FHIT: variants seen among roughly 807,000 people sequenced by gnomAD.
FHIT encodes the protein fragile histidine triad diadenosine triphosphatase.
In FHIT, 19 loss-of-function variants were observed where a neutral mutation model predicts 17.9. The observed-to-expected ratio is 1.06, with a 90% CI of 0.74 to 1.56. The LOEUF (loss-of-function observed/expected upper bound fraction) is 1.56. Ranked by LOEUF, FHIT falls within the 40% of genes most tolerant of loss-of-function variation. The pLI, the probability that FHIT is intolerant of heterozygous loss-of-function variation, is 0.00. For synonymous variants in FHIT, 81 were observed against 69.7 expected, an observed-to-expected ratio of 1.16 and a Z score of -0.81; for missense variants, 248 against 189.2, an observed-to-expected ratio of 1.31 and a Z score of -1.82.
chr3:59,956,170 A>G (rs1707384517), intron 7 of FHIT, among the ~76,000 whole-genome samples: 1 of 152,116 alleles, frequency 6.6e-6, no homozygotes, highest in Non-Finnish European at 1.5e-5. Context: ...GTCTTTAGTC[A>G]GCAAACTCTT....
chr3:60,269,138 T>A (rs2107623514), intron 5 of FHIT, among the ~76,000 whole-genome samples: 1 of 152,302 alleles, frequency 6.6e-6, no homozygotes, highest in Non-Finnish European at 1.5e-5. Flanking sequence ...TGTTACTAAG[T>A]TTTCAGTAAT....
intron 5 of FHIT, among the ~76,000 whole-genome samples, chr3:60,078,255 A>C (rs1192291395): frequency 6.6e-6 from 1 of 152,136 alleles, no homozygotes; most frequent in Non-Finnish European, 1.5e-5. Flanking sequence ...AACCTGGTAG[A>C]CACCACACCA....
At chr3:61,075,317 A>G (rs2034939723) in intron 2 of FHIT, among the ~76,000 whole-genome samples, 1 of 152,112 alleles carries the variant, frequency 6.6e-6, no homozygotes, top group Admixed American at 6.6e-5. Flanking sequence ...GGAGTACTAT[A>G]AGGGATGTTT....
At chr3:60,005,064 A>C (rs975255692) in intron 7 of FHIT, among the ~76,000 whole-genome samples, 1 of 152,144 alleles carries the variant, frequency 6.6e-6, no homozygotes, top group African/African-American at 2.4e-5. Context: ...GTTTGAAACC[A>C]AGTAGTCTGG....
chr3:59,766,446 G>A (rs1559586372), intron 8 of FHIT, among the ~76,000 whole-genome samples: 6 of 152,122 alleles, frequency 3.9e-5, no homozygotes, highest in Admixed American at 2.6e-4. Flanking sequence ...ACTGAATCCC[G>A]ACTAGGATCT....
At chr3:59,970,908 C>A (rs1210320550) in intron 7 of FHIT, among the ~76,000 whole-genome samples, 3 of 106,032 alleles carry the variant, frequency 2.8e-5, no homozygotes, top group African/African-American at 3.2e-5. Flanking sequence ...GTTGACGGAA[C>A]AAGCAGGGAT....
intron 5 of FHIT, among the ~76,000 whole-genome samples, chr3:60,453,876 A>C (rs1205789030): frequency 6.6e-6 from 1 of 152,194 alleles, no homozygotes; most frequent in African/African-American, 2.4e-5. Context: ...AAAAGCAATA[A>C]ATCTTCCTGG....
At chr3:60,299,700 A>G (rs993459329) in intron 5 of FHIT, among the ~76,000 whole-genome samples, 3 of 151,944 alleles carry the variant, frequency 2.0e-5, no homozygotes, top group Non-Finnish European at 4.4e-5. Flanking sequence ...ACTCGTTACC[A>G]CCCACTGGAT....
chr3:59,963,153 G>A (rs938313588), intron 7 of FHIT, among the ~76,000 whole-genome samples: 2 of 152,030 alleles, frequency 1.3e-5, no homozygotes, highest in Admixed American at 6.6e-5. Flanking sequence ...GTAGTCCCCA[G>A]CTACTTGGGA....
At chr3:59,808,065 C>T (rs535616322) in intron 8 of FHIT, among the ~76,000 whole-genome samples, 1 of 151,916 alleles carries the variant, frequency 6.6e-6, no homozygotes, top group East Asian at 1.9e-4. Context: ...AACCCTGCAC[C>T]CATTAAGTGG....
intron 4 of FHIT, among the ~76,000 whole-genome samples, chr3:60,744,246 T>TAAAAAAAAAA (rs368982395): frequency 6.8e-4 from 21 of 30,756 alleles, no homozygotes; most frequent in East Asian, 1.4e-3. Context: ...GGAAGTAATG[T>TAAAAAAAAAA]AAAAAAAAAA....
intron 3 of FHIT, among the ~76,000 whole-genome samples, chr3:60,861,858 G>A (rs142007784): frequency 5.3e-4 from 80 of 150,822 alleles, no homozygotes; most frequent in African/African-American, 1.9e-3. Flanking sequence ...GCTGAGGCAG[G>A]AGAATGGCGT....
At chr3:60,400,323 G>A (rs983980885) in intron 5 of FHIT, among the ~76,000 whole-genome samples, 1 of 152,094 alleles carries the variant, frequency 6.6e-6, no homozygotes, top group African/African-American at 2.4e-5. Flanking sequence ...CGGGATGGAG[G>A]ACCCTGGCAG....
intron 4 of FHIT, among the ~76,000 whole-genome samples, chr3:60,551,014 T>C (rs1373448383): frequency 6.6e-6 from 1 of 152,114 alleles, no homozygotes; most frequent in Non-Finnish European, 1.5e-5. Context: ...ACGTTTGATC[T>C]GCGAGTTGAA....
At chr3:60,078,785 TG>T (rs562404706) in intron 5 of FHIT, among the ~76,000 whole-genome samples, 82 of 152,224 alleles carry the variant, frequency 5.4e-4, no homozygotes, top group African/African-American at 1.8e-3. Context: ...ATAACATATA[TG>T]GTACACACAC....
chr3:60,252,480 T>C (rs1705762703), intron 5 of FHIT, among the ~76,000 whole-genome samples: 2 of 152,050 alleles, frequency 1.3e-5, no homozygotes, highest in Admixed American at 1.3e-4. Flanking sequence ...GGAGGATCAC[T>C]TGAGCATAGG....
intron 4 of FHIT, among the ~76,000 whole-genome samples, chr3:60,656,719 C>G (rs1308281034): frequency 6.6e-6 from 1 of 152,118 alleles, no homozygotes; most frequent in Non-Finnish European, 1.5e-5. Context: ...TCCACAAAGG[C>G]AATTAGAAGG....
chr3:60,274,734 G>A (rs1408163771), intron 5 of FHIT, among the ~76,000 whole-genome samples: 1 of 152,098 alleles, frequency 6.6e-6, no homozygotes, highest in African/African-American at 2.4e-5. Flanking sequence ...GTCTGTTCAG[G>A]TCTACTACAA....
At chr3:60,716,405 T>G (rs2041684554) in intron 4 of FHIT, among the ~76,000 whole-genome samples, 1 of 152,144 alleles carries the variant, frequency 6.6e-6, no homozygotes, top group African/African-American at 2.4e-5. Context: ...TTTTTAAACT[T>G]TTTTTTGTTA....
Sources: allele counts gnomAD v4.1 joint callset (sites outside exome capture counted in the v4.1 genomes callset), GRCh38; gene constraint gnomAD v4.1.1; transcripts MANE v1.5; gene names NCBI Gene and HGNC (gene_info 2026-07-23, HGNC 2026-07-21).